Variants in CAND1 observed in about 807,000 individuals in gnomAD.
CAND1 encodes cullin-associated NEDD8-dissociated protein 1.
In CAND1, 7 loss-of-function variants were observed where a neutral mutation model predicts 108.5. That is an observed-to-expected ratio of 0.06 (90% CI 0.04 to 0.12). The LOEUF is 0.12. CAND1 is among the 10% of genes least tolerant of loss of function. The pLI, the probability that CAND1 is intolerant of heterozygous loss-of-function variation, is 1.00. For synonymous variants in CAND1, 534 were observed against 512.0 expected, an observed-to-expected ratio of 1.04 and a Z score of -0.58; for missense variants, 941 against 1,448.7, an observed-to-expected ratio of 0.65 and a Z score of 5.69.
chr12:67,274,439 A>G (rs1281765902), intron 1 of CAND1, among the ~76,000 whole-genome samples: 1 of 152,230 alleles, frequency 6.6e-6, no homozygotes, highest in East Asian at 1.9e-4. Context: ...TTCACTGGGG[A>G]AGAGGGAATA....
intron 4 of CAND1, 70 bp downstream of exon 4, chr12:67,295,226 T>A: frequency 7.3e-7 from 1 of 1,371,364 alleles, no homozygotes. Context: ...AAACCCTTTC[T>A]AGTAAATATA....
chr12:67,286,252 C>A (rs1261679192), intron 2 of CAND1, among the ~76,000 whole-genome samples: 1 of 152,158 alleles, frequency 6.6e-6, no homozygotes. Flanking sequence ...CCTCATGATC[C>A]GCCCACCTCG....
intron 1 of CAND1, among the ~76,000 whole-genome samples, chr12:67,272,021 T>TA (rs1331664749): frequency 5.9e-5 from 9 of 152,294 alleles, no homozygotes; most frequent in Non-Finnish European, 7.4e-5. Context: ...TGCTCTTTTT[T>TA]AAAAAAATGA....
intron 1 of CAND1, among the ~76,000 whole-genome samples, chr12:67,273,385 A>G (rs1336681020): frequency 6.6e-6 from 1 of 152,182 alleles, no homozygotes; most frequent in Non-Finnish European, 1.5e-5. Context: ...GGTTGATACC[A>G]GAGTGAAAGC....
chr12:67,277,658 G>A (rs1358898979), intron 1 of CAND1, among the ~76,000 whole-genome samples: 2 of 152,176 alleles, frequency 1.3e-5, no homozygotes, highest in Non-Finnish European at 2.9e-5. Context: ...GGGAATGTAT[G>A]TGTTGGATTA....
intron 11 of CAND1, among the ~76,000 whole-genome samples, chr12:67,309,319 C>CT (rs1450139945): frequency 6.6e-6 from 1 of 151,834 alleles, no homozygotes; most frequent in Non-Finnish European, 1.5e-5. Context: ...CCTATGTTAG[C>CT]TTTCAATTTT....
At chr12:67,280,763 ATTT>A (rs2044612214) in intron 1 of CAND1, among the ~76,000 whole-genome samples, 1 of 152,150 alleles carries the variant, frequency 6.6e-6, no homozygotes. Context: ...CTGAGACTCT[ATTT>A]ATCTTGGCCA....
At chr12:67,289,654 A>T (rs745456304) in intron 2 of CAND1, among the ~76,000 whole-genome samples, 1 of 152,168 alleles carries the variant, frequency 6.6e-6, no homozygotes, top group Non-Finnish European at 1.5e-5. Flanking sequence ...TCGGATTACA[A>T]TCGTGACTCG....
chr12:67,304,819 A>T, intron 9 of CAND1, 73 bp downstream of exon 9: 1 of 1,533,530 alleles, frequency 6.5e-7, no homozygotes. Flanking sequence ...AGCTTAAATA[A>T]TTGTTTCCTT....
chr12:67,288,273 C>A (rs75953891), intron 2 of CAND1, among the ~76,000 whole-genome samples: 2 of 151,648 alleles, frequency 1.3e-5, no homozygotes, highest in South Asian at 2.1e-4. Flanking sequence ...TGGTTACAGG[C>A]GCACACCATC....
Position 67,305,686 on chromosome 12 carries a change from C to G in CAND1, c.2018C>G (p.Ala673Gly). The G allele has an allele frequency of 6.2e-7, 1 of 1,613,982 alleles. No individual in the cohort carries two copies. The highest frequency in any genetic ancestry group is 1.1e-5 in the South Asian group (1 of 91,080). Residue 673 changes from alanine to glycine, a missense_variant, in exon 10 of 15, where the codon GCC (alanine) becomes GGC (glycine). This residue lies in a region of CAND1 where 697 missense variants were observed against 942.0 expected (regional missense o/e 0.74). Coordinates refer to ENST00000545606, the MANE Select transcript of CAND1 (RefSeq NM_018448.5). The surrounding 1 kb of genome is among the most constrained non-coding windows in gnomAD (Gnocchi z 4.4). ...GCTTTGAAACTGGGTACTCTTTCTG[C>G]CCTTGATATTCTAATAAAAAACTAT... ...QRALKLGTLS[A>G]LDILIKNYSD...
At chr12:67,292,366 C>T (rs1290525264) in intron 2 of CAND1, among the ~76,000 whole-genome samples, 2 of 151,944 alleles carry the variant, frequency 1.3e-5, no homozygotes, top group Non-Finnish European at 2.9e-5. Flanking sequence ...AGGGGTATGA[C>T]GTGGGGTATG....
Position 67,316,938 on chromosome 12 carries a change from A to G in CAND1, c.*4108A>G, listed in dbSNP as rs1300035991. On this transcript the variant is annotated 3_prime_UTR_variant, in exon 15 of 15. Transcript: ENST00000545606. ...CCAAGGTGGGGGATCACTTGAAGAC[A>G]GGAGTTGGAGACCAGCTCTAGGCAA... 6.6e-6 allele frequency: 1 copy of G among 152,220 alleles called. No homozygotes were observed. The highest frequency in any genetic ancestry group is 1.5e-5 in the Non-Finnish European group (1 of 68,060). 9.4% of individuals were successfully genotyped at this position (152,220 alleles called of 1,614,324 possible).
At position 67,269,582 on chromosome 12, in the gene CAND1, G is replaced by C. The variant is rs1269029476; in HGVS notation, c.-136G>C. ...CCGTCGAGGCGCCTCCCTAGTCAGC[G>C]TCGGCGTCGCGCTGCGACCCTGGAA... On this transcript the variant is annotated 5_prime_UTR_variant, in exon 1 of 15. Transcript: ENST00000545606. 4.4e-6 allele frequency: 3 copies of C among 681,188 alleles called. No homozygotes were observed. Among genetic ancestry groups the C allele is most frequent in the Admixed American group, 6.4e-5 (2 of 31,266 alleles). The allele number at this position is 681,188 out of a possible 1,614,324, so 42.2% of individuals were successfully genotyped here. A position where few individuals can be genotyped will look rare whatever the true frequency, so the allele number is the denominator to read the frequency against.
chr12:67,283,561 C>T (rs111845133), intron 2 of CAND1, among the ~76,000 whole-genome samples: 2,194 of 142,214 alleles, frequency 0.015, 45 homozygotes, highest in African/African-American at 0.054. Context: ...CCAGCCTGGA[C>T]GACAGAGCAA....
At chr12:67,276,261 C>T (rs1152898) in intron 1 of CAND1, among the ~76,000 whole-genome samples, 84,220 of 151,970 alleles carry the variant, frequency 0.55, 24,455 homozygotes, top group Non-Finnish European at 0.65. Context: ...CTAAAATCCC[C>T]AACAGTCTCC....
rs61481589 is a variant in CAND1, at chr12:67,317,473, A to ATTTTTTT, written c.*4660_*4666dup. ...CTTTTTTCTTTTTTTTTCTTTCTTAATTTTTTTTTTTTTTTTTTTTTTTGA... is the reference window on the plus strand; with the variant it reads ...CTTTTTTCTTTTTTTTTCTTTCTTAATTTTTTTTTTTTTTTTTTTTTTTTTTTTTTGA... On this transcript the variant is annotated 3_prime_UTR_variant, in exon 15 of 15. Transcript: ENST00000545606. 35 of 88,166 alleles carry ATTTTTTT rather than the reference A, an allele frequency of 4.0e-4. No homozygotes were observed. The highest frequency in any genetic ancestry group is 6.0e-4 in the African/African-American group (11 of 18,434). 5.5% of individuals were successfully genotyped at this position (88,166 alleles called of 1,614,324 possible). A position where few individuals can be genotyped will look rare whatever the true frequency, so the allele number is the denominator to read the frequency against.
At chr12:67,292,884 G>T in intron 3 of CAND1, 108 bp downstream of exon 3, 1 of 944,136 alleles carries the variant, frequency 1.1e-6, no homozygotes, top group South Asian at 1.5e-5. Context: ...TGTCCTTACA[G>T]ATGTTCATAG....
In CAND1 at chr12:67,312,600, T is replaced by C. The variant is rs1377274253; in HGVS notation, c.3469-6T>C. On this transcript the variant is annotated splice_polypyrimidine_tract_variant and splice_region_variant and intron_variant, in intron 14 of 14. Coordinates refer to ENST00000545606, the MANE Select transcript of CAND1 (RefSeq NM_018448.5). ...GCATGTAATCTAAGTTTACTCCATCTTACAGGTAAAGGCAAACTCAGTAAA... is the reference window on the plus strand; with the variant it reads ...GCATGTAATCTAAGTTTACTCCATCCTACAGGTAAAGGCAAACTCAGTAAA... 6.3e-7 allele frequency: 1 copy of C among 1,587,268 alleles called. No homozygotes were observed. The highest frequency in any genetic ancestry group is 8.6e-7 in the Non-Finnish European group (1 of 1,166,646).
Sources: gnomAD v4.1 joint callset for allele counts (sites outside exome capture counted in the v4.1 genomes callset) on GRCh38, gnomAD v4.1.1 for gene constraint, gnomAD v4.1.1 regional missense constraint, Gnocchi (gnomAD v3.1) non-coding constraint, MANE v1.5 for transcripts, NCBI Gene and HGNC (gene_info 2026-07-23, HGNC 2026-07-21) for gene names.